Variants in SUGCT observed in about 807,000 individuals in gnomAD.
SUGCT encodes the protein succinyl-CoA:glutarate-CoA transferase.
SUGCT carries 41 observed loss-of-function variants against 55.0 expected under a neutral mutation model. That is an observed-to-expected ratio of 0.74 (90% CI 0.58 to 0.97). The LOEUF (loss-of-function observed/expected upper bound fraction) is 0.97, where lower values mean the gene tolerates loss of function less well. SUGCT is among the 50% of genes least tolerant of loss of function. The probability of loss-of-function intolerance (pLI) is 0.00; values close to 1 mark genes in which losing one functional copy is unlikely to be tolerated. For synonymous variants in SUGCT, 187 were observed against 200.4 expected (o/e 0.93, Z 0.56); for missense variants, 568 against 547.8 (o/e 1.04, Z -0.37).
chr7:40,210,080 T>C (rs1242967156), intron 6 of SUGCT, among the ~76,000 whole-genome samples: 1 of 152,064 alleles, frequency 6.6e-6, no homozygotes, highest in Non-Finnish European at 1.5e-5. Context: ...AATTTAATTT[T>C]ATTTATTTAC....
chr7:40,511,534 G>GT (rs1477334522), intron 12 of SUGCT, among the ~76,000 whole-genome samples: 2 of 152,054 alleles, frequency 1.3e-5, no homozygotes, highest in African/African-American at 4.8e-5. Context: ...TAATTTTTTG[G>GT]TTTTGATAAT....
the SUGCT span, among the ~76,000 whole-genome samples, chr7:41,015,393 G>T: frequency 6.6e-6 from 1 of 152,146 alleles, no homozygotes; most frequent in Non-Finnish European, 1.5e-5. Flanking sequence ...CATGAGCAGA[G>T]GTTTTCAAAT....
At chr7:40,732,228 ACTCCATT>A (rs1199948389) in intron 12 of SUGCT, among the ~76,000 whole-genome samples, 1 of 151,906 alleles carries the variant, frequency 6.6e-6, no homozygotes, top group East Asian at 1.9e-4. Flanking sequence ...TGGCAGCATC[ACTCCATT>A]CTCTGTCTGG....
At chr7:40,772,228 C>A (rs755290038) in intron 13 of SUGCT, among the ~76,000 whole-genome samples, 9 of 152,150 alleles carry the variant, frequency 5.9e-5, no homozygotes, top group Non-Finnish European at 1.3e-4. Context: ...AGCTCAGTTT[C>A]TGGCTTTGGT....
intron 11 of SUGCT, among the ~76,000 whole-genome samples, chr7:40,495,205 C>T (rs1484670844): frequency 6.6e-6 from 1 of 151,308 alleles, no homozygotes; most frequent in Non-Finnish European, 1.5e-5. Flanking sequence ...AGCCACCACG[C>T]CCGGCTGAAA....
intron 13 of SUGCT, among the ~76,000 whole-genome samples, chr7:40,851,959 A>G (rs1462867753): frequency 1.3e-5 from 2 of 152,210 alleles, no homozygotes; most frequent in African/African-American, 4.8e-5. Flanking sequence ...AATAAATACA[A>G]TTGCTGTGGA....
At chr7:40,505,721 T>C (rs567915273) in intron 12 of SUGCT, among the ~76,000 whole-genome samples, 22 of 152,082 alleles carry the variant, frequency 1.4e-4, no homozygotes, top group Non-Finnish European at 2.6e-4. Flanking sequence ...TAGTATTAGA[T>C]TTATTTAATA....
chr7:40,672,965 C>T (rs1057308163), intron 12 of SUGCT, among the ~76,000 whole-genome samples: 18 of 152,110 alleles, frequency 1.2e-4, no homozygotes, highest in Non-Finnish European at 2.4e-4. Flanking sequence ...CTTTTGTAGG[C>T]GATCTTCCCT....
chr7:40,273,113 G>A (rs1207469535), intron 7 of SUGCT, among the ~76,000 whole-genome samples: 1 of 152,018 alleles, frequency 6.6e-6, no homozygotes, highest in Non-Finnish European at 1.5e-5. Context: ...TTAATTTTAA[G>A]TGTATTGATT....
intron 12 of SUGCT, among the ~76,000 whole-genome samples, chr7:40,504,474 G>T (rs950260262): frequency 6.6e-6 from 1 of 151,722 alleles, no homozygotes; most frequent in Non-Finnish European, 1.5e-5. Context: ...TTGGTCTGTT[G>T]TCCTGGCTGG....
At chr7:40,862,350 A>C (rs1794504220), downstream of SUGCT, among the ~76,000 whole-genome samples, 1 of 152,218 alleles carries the variant, frequency 6.6e-6, no homozygotes, top group Admixed American at 6.5e-5. Flanking sequence ...CAGGATTTTG[A>C]ACCTACTGGT....
At chr7:40,180,233 C>A (rs1785120208) in intron 1 of SUGCT, among the ~76,000 whole-genome samples, 1 of 151,744 alleles carries the variant, frequency 6.6e-6, no homozygotes, top group African/African-American at 2.4e-5. Flanking sequence ...AAAGGATCCT[C>A]CTGCCTCAGC....
At chr7:40,351,130 T>C (rs79358923) in intron 9 of SUGCT, among the ~76,000 whole-genome samples, 2,278 of 152,258 alleles carry the variant, frequency 0.015, 49 homozygotes, top group South Asian at 0.059. Context: ...ATGTTCTTTA[T>C]TGCTGTGTAA....
chr7:40,584,645 T>C (rs1797280229), intron 12 of SUGCT, among the ~76,000 whole-genome samples: 1 of 152,164 alleles, frequency 6.6e-6, no homozygotes, highest in Non-Finnish European at 1.5e-5. Context: ...AGTTTACAGA[T>C]GAATAAACTG....
the SUGCT span, among the ~76,000 whole-genome samples, chr7:40,923,685 A>G: frequency 1.3e-5 from 2 of 152,164 alleles, no homozygotes; most frequent in East Asian, 3.9e-4. Flanking sequence ...TAGTCCATCA[A>G]TATTGCCTAC....
At chr7:40,514,033 G>A (rs991369965) in intron 12 of SUGCT, among the ~76,000 whole-genome samples, 11 of 151,810 alleles carry the variant, frequency 7.2e-5, no homozygotes, top group African/African-American at 2.4e-4. Context: ...CTCGTGATCC[G>A]CCCGCCTCGG....
At position 40,584,259 on chromosome 7, in the gene SUGCT, T is replaced by C. The variant is rs1797256447; in HGVS notation, c.1089+87873T>C. 3.3e-5 allele frequency among the ~76,000 whole-genome samples: 5 copies of C among 152,136 alleles called. No homozygotes were observed. The South Asian group carries it at 1.0e-3, about 31-fold the overall frequency. On this transcript the variant is annotated intron_variant, in intron 12 of 13. Coordinates refer to ENST00000335693, the MANE Select transcript of SUGCT (RefSeq NM_001193313.2). Reference sequence around the variant, plus strand: ...CTTGGAGTGCTTTACAAAAGAATTTTAAAAATCAAACCAAACAGGATATGA... The same window carrying C: ...CTTGGAGTGCTTTACAAAAGAATTTCAAAAATCAAACCAAACAGGATATGA...
chr7:40,424,608 GATGAAGTTGCC>G (rs2151377170), intron 9 of SUGCT, among the ~76,000 whole-genome samples: 1 of 152,252 alleles, frequency 6.6e-6, no homozygotes, highest in South Asian at 2.1e-4. Context: ...ATTCGTAGCC[GATGAAGTTGCC>G]ACGGGGCTCA....
At chr7:40,881,764 TG>T in the SUGCT span, among the ~76,000 whole-genome samples, 2 of 152,138 alleles carry the variant, frequency 1.3e-5, no homozygotes, top group Non-Finnish European at 2.9e-5. Flanking sequence ...AGAGTCAAGA[TG>T]AAGTCCTGTT....
Sources: gnomAD v4.1 joint callset for allele counts (sites outside exome capture counted in the v4.1 genomes callset) on GRCh38, gnomAD v4.1.1 for gene constraint, MANE v1.5 for transcripts, NCBI Gene and HGNC (gene_info 2026-07-23, HGNC 2026-07-21) for gene names.